The following DENND6A variants were observed in gnomAD, a reference collection of about 807,000 sequenced individuals.
DENND6A encodes DENN domain containing 6A.
DENND6A carries 43 observed loss-of-function variants against 95.5 expected under a neutral mutation model. The ratio of observed to expected loss-of-function variants is 0.45; its 90% CI spans 0.35 to 0.58. The LOEUF (loss-of-function observed/expected upper bound fraction) is 0.58, where lower values mean the gene tolerates loss of function less well. Among genes scored for constraint, DENND6A ranks in the 20% least tolerant of loss-of-function variants. The pLI, the probability that DENND6A is intolerant of heterozygous loss-of-function variation, is 0.00. For synonymous variants in DENND6A, 257 were observed against 260.4 expected (o/e 0.99, Z 0.13); for missense variants, 574 against 736.0 (o/e 0.78, Z 2.55).
Position 57,640,929 on chromosome 3 carries a change from T to G in DENND6A, c.1132+724A>C, listed in dbSNP as rs1183219273. Among the ~76,000 whole-genome samples the G allele has an allele frequency of 2.6e-5, 4 of 151,988 alleles. No homozygotes were observed. The East Asian group carries it at 7.7e-4, about 29-fold the overall frequency. On this transcript the variant is annotated intron_variant, in intron 12 of 19. Coordinates refer to ENST00000311128, the MANE Select transcript of DENND6A (RefSeq NM_152678.3). ...TTAAACATCTGTTAAACTCCTACCA[T>G]GAACAAGGTACTGTATGTCTTTTCC...
intron 9 of DENND6A, among the ~76,000 whole-genome samples, chr3:57,648,672 T>C (rs1449392388): frequency 6.6e-6 from 1 of 152,126 alleles, no homozygotes; most frequent in African/African-American, 2.4e-5. Context: ...AATAGGCATA[T>C]AGACCAATGG....
chr3:57,661,342 T>G, intron 6 of DENND6A, 104 bp downstream of exon 6: 1 of 900,196 alleles, frequency 1.1e-6, no homozygotes, highest in Non-Finnish European at 1.6e-6. Flanking sequence ...TTCCTTAAGT[T>G]CCTACCTGAA....
chr3:57,672,267 T>C lies in DENND6A; in HGVS notation c.308A>G (p.Asp103Gly), dbSNP rs757568538. ...TGAAAAACAGTTACCTGAATTTGAA[T>C]CTGGAAAAGACAAATAGCAAATATT... ...KTNICYLSFP[D>G]SNSGCLGDTQ... The change falls in exon 3 of 20, where the codon GAT (aspartate) becomes GGT (glycine). Residue 103 changes from aspartate to glycine, a missense_variant. Physicochemically the swap from Asp to Gly is moderately conservative, Grantham distance 94 (BLOSUM62 -1). Coordinates refer to ENST00000311128, the MANE Select transcript of DENND6A (RefSeq NM_152678.3). 1 of 1,609,906 alleles carries C rather than the reference T, an allele frequency of 6.2e-7. No individual in the cohort carries two copies. Among genetic ancestry groups the C allele is most frequent in the South Asian group, 1.1e-5 (1 of 89,850 alleles).
chr3:57,681,719 T>C (rs539962304), intron 1 of DENND6A, among the ~76,000 whole-genome samples: 4 of 151,778 alleles, frequency 2.6e-5, no homozygotes, highest in Non-Finnish European at 5.9e-5. Flanking sequence ...ATCCATACAA[T>C]GGTATATTAT....
intron 1 of DENND6A, among the ~76,000 whole-genome samples, chr3:57,690,619 G>A (rs573545888): frequency 9.2e-5 from 14 of 152,060 alleles, no homozygotes; most frequent in South Asian, 6.2e-4. Context: ...GGGAGGTGGA[G>A]GTTGCAGTGA....
In DENND6A at chr3:57,633,346, T is replaced by C. The variant is rs1168408001; in HGVS notation, c.1272A>G (p.Gln424=). 2.5e-6 allele frequency: 4 copies of C among 1,613,128 alleles called. No individual in the cohort carries two copies. In the East Asian group the frequency reaches 6.7e-5, roughly 27 times the overall value. ...TTTGAGCCTCAGAAGGACGTTTCTGTTGTACACCCTTAAAAGAGGAAATAA... is the reference window on the plus strand; with the variant it reads ...TTTGAGCCTCAGAAGGACGTTTCTGCTGTACACCCTTAAAAGAGGAAATAA... ...EIIKQLQKGV[Q]QKRPSEAQSV... is the part of the protein sequence containing the mutation. Residue 424 remains glutamine (Q), a synonymous_variant, in exon 15 of 20, where the codon CAA becomes CAG. Transcript: ENST00000311128.
At chr3:57,658,425 A>T (rs916717783) in intron 8 of DENND6A, among the ~76,000 whole-genome samples, 5 of 152,124 alleles carry the variant, frequency 3.3e-5, no homozygotes, top group African/African-American at 1.2e-4. Flanking sequence ...GCTACTTAGG[A>T]GGCTGAGGTG....
rs537590546 is a variant in DENND6A, at chr3:57,670,256, G to A, written c.319+2000C>T. On this transcript the variant is annotated intron_variant, in intron 3 of 19. Transcript: ENST00000311128. ...TGAAATAAACAGACAACAGATTAAC[G>A]AGAAAAGATTTAGTTCGAATGCATA... Among the ~76,000 whole-genome samples the A allele has an allele frequency of 2.6e-5, 4 of 152,168 alleles. No individual in the cohort carries two copies. In the South Asian group the frequency reaches 6.2e-4, roughly 24 times the overall value.
chr3:57,647,151 G>A lies in DENND6A; in HGVS notation c.819-713C>T, dbSNP rs147956898. Among the ~76,000 whole-genome samples, 636 of 152,176 alleles carry A rather than the reference G, an allele frequency of 4.2e-3. 2 individuals are homozygous for A. The highest frequency in any genetic ancestry group is 6.1e-3 in the Non-Finnish European group (416 of 68,012). On this transcript the variant is annotated intron_variant, in intron 9 of 19. Transcript: ENST00000311128. ...ATGAAAATCACAACCAATCCACTCA[G>A]TTGAAAAGACACACATGCAAATAAA...
chr3:57,684,778 G>A (rs2077197549), intron 1 of DENND6A, among the ~76,000 whole-genome samples: 1 of 152,094 alleles, frequency 6.6e-6, no homozygotes, highest in South Asian at 2.1e-4. Flanking sequence ...AATAAATAAA[G>A]TCCAAATATT....
chr3:57,642,641 C>A (rs1490011451), intron 11 of DENND6A, among the ~76,000 whole-genome samples: 1 of 152,068 alleles, frequency 6.6e-6, no homozygotes, highest in Non-Finnish European at 1.5e-5. Context: ...TAGATGTTAT[C>A]TTACAGGCAA....
Position 57,627,869 on chromosome 3 carries a change from G to T in DENND6A, c.*345C>A. 1 of 185,282 alleles carries T rather than the reference G, an allele frequency of 5.4e-6. No homozygotes were observed. The highest frequency in any genetic ancestry group is 5.5e-5 in the Admixed American group (1 of 18,332). The allele number at this position is 185,282 out of a possible 1,614,324, so 11.5% of individuals were successfully genotyped here. A position where few individuals can be genotyped will look rare whatever the true frequency, so the allele number is the denominator to read the frequency against. ...CTGAGTTTTAACATGATTGGGCAAAGCAGCACCAATTTAAAAAAATATCTG... is the reference window on the plus strand; with the variant it reads ...CTGAGTTTTAACATGATTGGGCAAATCAGCACCAATTTAAAAAAATATCTG... On this transcript the variant is annotated 3_prime_UTR_variant, in exon 20 of 20. Coordinates refer to ENST00000311128, the MANE Select transcript of DENND6A (RefSeq NM_152678.3).
At chr3:57,630,370 T>A in intron 18 of DENND6A, 51 bp downstream of exon 18, 1 of 1,465,314 alleles carries the variant, frequency 6.8e-7, no homozygotes, top group Non-Finnish European at 9.2e-7. Context: ...AGCATAATTA[T>A]CTTTATTTTC....
At chr3:57,647,527 T>C (rs927539390) in intron 9 of DENND6A, among the ~76,000 whole-genome samples, 1 of 152,230 alleles carries the variant, frequency 6.6e-6, no homozygotes, top group South Asian at 2.1e-4. Context: ...AATGTATACA[T>C]GTGTGGGGAT....
At chr3:57,692,748 A>T in intron 1 of DENND6A, 34 bp downstream of exon 1, 1 of 1,416,572 alleles carries the variant, frequency 7.1e-7, no homozygotes, top group Non-Finnish European at 9.2e-7. Context: ...GGCGCAGGGG[A>T]GGAGCGCCGA....
intron 1 of DENND6A, among the ~76,000 whole-genome samples, chr3:57,684,575 G>C (rs374698470): frequency 1.7e-3 from 254 of 152,176 alleles, no homozygotes; most frequent in African/African-American, 5.7e-3. Context: ...CTTGAGGCCA[G>C]GAGTTCAAGA....
chr3:57,642,031 T>C (rs904090685), intron 11 of DENND6A, among the ~76,000 whole-genome samples: 1 of 152,068 alleles, frequency 6.6e-6, no homozygotes, highest in Non-Finnish European at 1.5e-5. Context: ...TGCACAACAA[T>C]TAGCCGAGCG....
chr3:57,637,665 T>C (rs1315942897), intron 12 of DENND6A, among the ~76,000 whole-genome samples: 2 of 148,170 alleles, frequency 1.3e-5, no homozygotes, highest in Non-Finnish European at 3.0e-5. Context: ...AGCAGAAAAA[T>C]ACTCCAAGAT....
At chr3:57,656,520 T>A (rs192872458) in intron 9 of DENND6A, among the ~76,000 whole-genome samples, 2 of 152,328 alleles carry the variant, frequency 1.3e-5, no homozygotes, top group Non-Finnish European at 2.9e-5. Flanking sequence ...TAGACACATT[T>A]TCATTTTTAT....
Sources: gnomAD v4.1 joint callset for allele counts (sites outside exome capture counted in the v4.1 genomes callset) on GRCh38, gnomAD v4.1.1 for gene constraint, MANE v1.5 for transcripts, NCBI Gene and HGNC (gene_info 2026-07-23, HGNC 2026-07-21) for gene names.